GPC5: variants seen among roughly 807,000 people sequenced by gnomAD.
GPC5 encodes glypican-5.
In GPC5, 47 loss-of-function variants were observed where a neutral mutation model predicts 53.9. The ratio of observed to expected loss-of-function variants is 0.87; its 90% CI spans 0.69 to 1.11. The LOEUF (loss-of-function observed/expected upper bound fraction) is 1.11, where lower values mean the gene tolerates loss of function less well. Ranked by LOEUF, GPC5 falls within the 50% of genes most tolerant of loss-of-function variation. GPC5 has a pLI of 0.00. For synonymous variants in GPC5, 286 were observed against 263.3 expected (o/e 1.09, Z -0.84); for missense variants, 748 against 713.1 (o/e 1.05, Z -0.56).
At chr13:92,612,762 C>T (rs1040843723) in intron 7 of GPC5, among the ~76,000 whole-genome samples, 15 of 152,020 alleles carry the variant, frequency 9.9e-5, no homozygotes, top group Non-Finnish European at 1.8e-4. Context: ...CTGTGCCAGA[C>T]ATTATGACAG....
intron 7 of GPC5, among the ~76,000 whole-genome samples, chr13:92,637,242 G>C (rs1406473915): frequency 6.6e-6 from 1 of 152,148 alleles, no homozygotes; most frequent in Non-Finnish European, 1.5e-5. Flanking sequence ...AGTTCTCCAT[G>C]TCAGAGATGA....
chr13:91,455,517 A>G (rs1232694645), intron 2 of GPC5, among the ~76,000 whole-genome samples: 2 of 152,188 alleles, frequency 1.3e-5, no homozygotes, highest in Non-Finnish European at 2.9e-5. Flanking sequence ...TCCCTTATGA[A>G]TAAATCATAC....
chr13:92,641,125 A>T (rs1384397833), intron 7 of GPC5, among the ~76,000 whole-genome samples: 1 of 152,212 alleles, frequency 6.6e-6, no homozygotes, highest in Admixed American at 6.5e-5. Flanking sequence ...GTGTCTCATC[A>T]CAGACTGCTA....
intron 2 of GPC5, among the ~76,000 whole-genome samples, chr13:91,609,736 G>A (rs2033489810): frequency 6.6e-6 from 1 of 152,136 alleles, no homozygotes; most frequent in African/African-American, 2.4e-5. Context: ...TACAACTTTG[G>A]AACCCCCAAA....
At chr13:91,554,926 T>C (rs2030857967) in intron 2 of GPC5, among the ~76,000 whole-genome samples, 1 of 152,202 alleles carries the variant, frequency 6.6e-6, no homozygotes. Context: ...CTTTTATGTC[T>C]TCAAACAAGA....
At chr13:92,149,737 C>G (rs2041893808) in intron 7 of GPC5, among the ~76,000 whole-genome samples, 1 of 151,912 alleles carries the variant, frequency 6.6e-6, no homozygotes, top group Non-Finnish European at 1.5e-5. Context: ...CCATAAATCA[C>G]CTTCACTTCA....
chr13:91,796,171 G>A (rs1223649914), intron 5 of GPC5, among the ~76,000 whole-genome samples: 3 of 152,142 alleles, frequency 2.0e-5, no homozygotes, highest in African/African-American at 7.2e-5. Context: ...TGTGGGTCAT[G>A]GAAAGGAACC....
chr13:91,995,744 T>A (rs1241993920), intron 6 of GPC5: 1 of 152,214 alleles, frequency 6.6e-6, no homozygotes, highest in Non-Finnish European at 1.5e-5. Flanking sequence ...ACAAGTTAGC[T>A]CATTTGAAAT....
chr13:92,798,896 TGTTCTAA>T lies in GPC5; in HGVS notation c.1562-67383_1562-67377del, dbSNP rs1876801070. On this transcript the variant is annotated intron_variant, in intron 7 of 7. Transcript: ENST00000377067. ...ATGTAGTTTTATGATTTGCAACAAT[TGTTCTAA>T]GTAACACCAGTATTACAATACGTAA... Among the ~76,000 whole-genome samples, 3 of 151,890 alleles carry T rather than the reference TGTTCTAA, an allele frequency of 2.0e-5. No individual in the cohort carries two copies. In the South Asian group the frequency reaches 6.2e-4, roughly 31 times the overall value.
chr13:91,926,475 C>G (rs2039769543), intron 6 of GPC5, among the ~76,000 whole-genome samples: 1 of 151,972 alleles, frequency 6.6e-6, no homozygotes, highest in Non-Finnish European at 1.5e-5. Flanking sequence ...CTAGGCTTGA[C>G]TAGCATTGGC....
intron 7 of GPC5, among the ~76,000 whole-genome samples, chr13:92,369,109 AAAG>A (rs1170062665): frequency 6.6e-6 from 1 of 152,264 alleles, no homozygotes; most frequent in Non-Finnish European, 1.5e-5. Context: ...AATTAGTAAA[AAAG>A]ATATGACAGT....
At chr13:92,203,373 A>G (rs1382374039) in intron 7 of GPC5, among the ~76,000 whole-genome samples, 1 of 146,378 alleles carries the variant, frequency 6.8e-6, no homozygotes, top group Non-Finnish European at 1.5e-5. Flanking sequence ...CATTCTCAGT[A>G]AACTATCACA....
chr13:91,657,502 A>G (rs1054440392), intron 2 of GPC5, among the ~76,000 whole-genome samples: 4 of 152,112 alleles, frequency 2.6e-5, no homozygotes, highest in Admixed American at 2.0e-4. Flanking sequence ...TCTAATGGGT[A>G]GAGGCCAAGG....
rs978131228 is a variant in GPC5, at chr13:92,748,114, T to C, written c.1562-118168T>C. Among the ~76,000 whole-genome samples, 40 of 152,132 alleles carry C rather than the reference T, an allele frequency of 2.6e-4. No homozygotes were observed. The Middle Eastern group carries it at 0.01, about 39-fold the overall frequency. ...TGATATGCTTTACTGATCTACCTTATAAGACTACAAGAAACAGGTCTAAAA... is the reference window on the plus strand; with the variant it reads ...TGATATGCTTTACTGATCTACCTTACAAGACTACAAGAAACAGGTCTAAAA... On this transcript the variant is annotated intron_variant, in intron 7 of 7. Coordinates refer to ENST00000377067, the MANE Select transcript of GPC5 (RefSeq NM_004466.6).
rs9561086 is a variant in GPC5 at position 92,568,235 on chromosome 13, G to T, written c.1562-298047G>T. 8.5e-5 allele frequency among the ~76,000 whole-genome samples: 13 copies of T among 152,152 alleles called. No homozygotes were observed. In the East Asian group the frequency reaches 2.1e-3, roughly 25 times the overall value. ...AAATAATATTTTGCCTATTAAAATT[G>T]AAATTGGGAAAAACAGTGTGTTAAC... is the stretch of plus-strand genomic sequence containing the variant. On this transcript the variant is annotated intron_variant, in intron 7 of 7. Transcript: ENST00000377067.
At chr13:92,356,099 T>C (rs143061724) in intron 7 of GPC5, among the ~76,000 whole-genome samples, 1 of 152,154 alleles carries the variant, frequency 6.6e-6, no homozygotes, top group Non-Finnish European at 1.5e-5. Flanking sequence ...CCTGCTCGTT[T>C]CCAAAGTCCT....
At chr13:91,743,245 T>A (rs538464494) in intron 4 of GPC5, among the ~76,000 whole-genome samples, 3 of 152,240 alleles carry the variant, frequency 2.0e-5, no homozygotes, top group East Asian at 3.9e-4. Context: ...TTGTTACAAT[T>A]TTTTTTACTG....
At chr13:92,428,206 T>A (rs2139370808) in intron 7 of GPC5, among the ~76,000 whole-genome samples, 1 of 152,270 alleles carries the variant, frequency 6.6e-6, no homozygotes, top group South Asian at 2.1e-4. Context: ...TCAGAATGGA[T>A]GTGGCTCTGC....
chr13:91,738,950 T>C (rs1322158250), intron 4 of GPC5, among the ~76,000 whole-genome samples: 3 of 151,480 alleles, frequency 2.0e-5, no homozygotes, highest in African/African-American at 7.4e-5. Flanking sequence ...TTCTCCAGTT[T>C]CATGTGTTTA....
Sources: gnomAD v4.1 joint callset for allele counts (sites outside exome capture counted in the v4.1 genomes callset) on GRCh38, gnomAD v4.1.1 for gene constraint, MANE v1.5 for transcripts, NCBI Gene and HGNC (gene_info 2026-07-23, HGNC 2026-07-21) for gene names.